PDZD2: variants seen among roughly 807,000 people sequenced by gnomAD.
The protein encoded by PDZD2 is PDZ domain containing 2.
In PDZD2, 90 loss-of-function variants were observed where a neutral mutation model predicts 220.7. The observed-to-expected ratio is 0.41, with a 90% CI of 0.34 to 0.49. The LOEUF is 0.49. Ranked by LOEUF, PDZD2 falls within the 20% of genes least tolerant of loss-of-function variation. The pLI is 0.28. For synonymous variants in PDZD2, 1,375 were observed against 1,450.5 expected (o/e 0.95, Z 1.18); for missense variants, 3,174 against 3,608.5 (o/e 0.88, Z 3.08).
At chr5:32,095,566 G>T (rs1043183655) in intron 21 of PDZD2, among the ~76,000 whole-genome samples, 2 of 152,116 alleles carry the variant, frequency 1.3e-5, no homozygotes, top group Non-Finnish European at 2.9e-5. Context: ...TGATCTGGCC[G>T]CCCTGAGACT....
At position 31,683,781 on chromosome 5, in the gene PDZD2, C is replaced by T. The variant is rs139159789; in HGVS notation, c.-361+44344C>T. On this transcript the variant is annotated intron_variant, in intron 1 of 24. Coordinates refer to ENST00000438447, the MANE Select transcript of PDZD2 (RefSeq NM_178140.4). Reference sequence around the variant, plus strand: ...AGAGTCTGCAGCGGACATCCTTGTACCTACATCCCAGGAAATTCTCGTATG... The same window carrying T: ...AGAGTCTGCAGCGGACATCCTTGTATCTACATCCCAGGAAATTCTCGTATG... Among the ~76,000 whole-genome samples, 203 of 152,228 alleles carry T rather than the reference C, an allele frequency of 1.3e-3. 2 individuals are homozygous for T. The highest frequency in any genetic ancestry group is 6.8e-3 in the Middle Eastern group (2 of 294).
At chr5:32,029,628 T>G (rs573323499) in intron 6 of PDZD2, among the ~76,000 whole-genome samples, 1 of 152,284 alleles carries the variant, frequency 6.6e-6, no homozygotes, top group East Asian at 1.9e-4. Context: ...ACCTCAGTCT[T>G]TTATGATGGG....
intron 1 of PDZD2, among the ~76,000 whole-genome samples, chr5:31,763,431 C>T (rs1751775173): frequency 6.6e-6 from 1 of 152,162 alleles, no homozygotes; most frequent in Admixed American, 6.5e-5. Context: ...TAAAGAAACT[C>T]ATGAACCTCA....
At position 32,087,960 on chromosome 5, in the gene PDZD2, A is replaced by G; in HGVS notation, c.4512A>G (p.Leu1504=). Residue 1504 remains leucine (L), a synonymous_variant, in exon 20 of 25, where the codon TTA becomes TTG. Coordinates refer to ENST00000438447, the MANE Select transcript of PDZD2 (RefSeq NM_178140.4). This position sits in a 1 kb window ranked among gnomAD's most constrained non-coding sequence, Gnocchi z 4.0. ...AATGGGCCTCCCAGCCTTCGGTTTT[A>G]GATTCAATTAATCCCGACAAACATT... ...YPQWASQPSV[L]DSINPDKHFT... 6.2e-7 allele frequency: 1 copy of G among 1,614,138 alleles called. No homozygotes were observed. Among genetic ancestry groups the G allele is most frequent in the Non-Finnish European group, 8.5e-7 (1 of 1,179,996 alleles).
intron 3 of PDZD2, among the ~76,000 whole-genome samples, chr5:31,994,183 A>G (rs1751452461): frequency 6.6e-6 from 1 of 150,988 alleles, no homozygotes; most frequent in Non-Finnish European, 1.5e-5. Context: ...ACGCCTGGCT[A>G]ATTTTTTTAT....
chr5:32,038,662 C>T lies in PDZD2; in HGVS notation c.1519+1320C>T, dbSNP rs116096184. On this transcript the variant is annotated intron_variant, in intron 7 of 24. Transcript: ENST00000438447. The stretch of plus-strand genomic sequence containing the variant: ...TAAAAGGAAACACTTTTATGGGTCC[C>T]TGAAGGTGGCATGGGCCCTCAGCAC... Among the ~76,000 whole-genome samples, 518 of 152,234 alleles carry T rather than the reference C, an allele frequency of 3.4e-3. 1 individual carries two copies. The highest frequency in any genetic ancestry group is 0.011 in the African/African-American group (471 of 41,546).
intron 2 of PDZD2, among the ~76,000 whole-genome samples, chr5:31,915,688 A>C (rs1743618806): frequency 6.6e-6 from 1 of 152,138 alleles, no homozygotes; most frequent in African/African-American, 2.4e-5. Flanking sequence ...TTTTTTTTCA[A>C]ACACTTAACT....
chr5:31,882,899 G>A (rs1740055935), intron 2 of PDZD2, among the ~76,000 whole-genome samples: 1 of 151,770 alleles, frequency 6.6e-6, no homozygotes, highest in Admixed American at 6.6e-5. Flanking sequence ...GCCTGATTGT[G>A]AGTGTCTGTA....
At chr5:31,777,080 T>C (rs865776435) in intron 1 of PDZD2, among the ~76,000 whole-genome samples, 1 of 152,216 alleles carries the variant, frequency 6.6e-6, no homozygotes, top group African/African-American at 2.4e-5. Context: ...GCCGGCTCCC[T>C]CTGCTTGCTG....
intron 2 of PDZD2, among the ~76,000 whole-genome samples, chr5:31,976,921 T>G (rs1332479037): frequency 2.0e-5 from 3 of 151,910 alleles, no homozygotes; most frequent in Non-Finnish European, 4.4e-5. Context: ...TTTCAGCACG[T>G]TGGTCAGGCT....
intron 7 of PDZD2, among the ~76,000 whole-genome samples, chr5:32,045,588 G>GTTT (rs34280498): frequency 7.1e-6 from 1 of 140,072 alleles, no homozygotes. Flanking sequence ...ACGCCCAGCT[G>GTTT]TTTTTTTTTT....
Position 32,090,400 on chromosome 5 carries a change from C to T in PDZD2, c.6952C>T (p.His2318Tyr). The part of the protein sequence containing the change: ...VTDKIKVTRR[H>Y]YCYEQNWPHE... ...AGACAAAATCAAAGTCACCAGACGA[C>T]ACTACTGCTATGAGCAGAACTGGCC... is the stretch of plus-strand genomic sequence containing the variant. Residue 2318 changes from histidine (H) to tyrosine (Y), a missense_variant, in exon 20 of 25, where the codon CAC (histidine) becomes TAC (tyrosine). Physicochemically the swap from His to Tyr is moderately conservative, Grantham distance 83 (BLOSUM62 2). This residue lies in a region of PDZD2 where 631 missense variants were observed against 789.9 expected (regional missense o/e 0.80). Transcript: ENST00000438447. This position sits in a 1 kb window ranked among gnomAD's most constrained non-coding sequence, Gnocchi z 4.3. The T allele has an allele frequency of 1.9e-6, 3 of 1,614,196 alleles. No homozygotes were observed. The highest frequency in any genetic ancestry group is 2.5e-6 in the Non-Finnish European group (3 of 1,180,020).
chr5:32,047,821 A>G (rs1225676819), intron 7 of PDZD2, among the ~76,000 whole-genome samples: 2 of 152,224 alleles, frequency 1.3e-5, no homozygotes, highest in African/African-American at 4.8e-5. Context: ...GGCATGCAAT[A>G]CCGTGGTTGA....
At chr5:31,867,610 CA>C (rs1738349192) in intron 2 of PDZD2, among the ~76,000 whole-genome samples, 2 of 152,114 alleles carry the variant, frequency 1.3e-5, no homozygotes, top group Admixed American at 6.6e-5. Context: ...CCTACAAAAT[CA>C]AAATATTTTG....
intron 19 of PDZD2, among the ~76,000 whole-genome samples, chr5:32,080,603 A>T (rs762196855): frequency 3.9e-5 from 6 of 152,162 alleles, no homozygotes; most frequent in Non-Finnish European, 8.8e-5. Context: ...CCTATTTGCA[A>T]CCTCATGCAG....
At chr5:32,029,169 TA>T (rs1754927644) in intron 6 of PDZD2, among the ~76,000 whole-genome samples, 2 of 151,502 alleles carry the variant, frequency 1.3e-5, no homozygotes, top group Admixed American at 6.6e-5. Context: ...GATATGCAAA[TA>T]AAAAAAAGTA....
chr5:31,711,708 A>G (rs1214019080), intron 1 of PDZD2, among the ~76,000 whole-genome samples: 2 of 152,112 alleles, frequency 1.3e-5, no homozygotes, highest in Non-Finnish European at 2.9e-5. Flanking sequence ...GAACCTGTGA[A>G]GTGTAGGGCC....
intron 1 of PDZD2, among the ~76,000 whole-genome samples, chr5:31,765,904 G>GATAATC (rs1561442038): frequency 2.0e-5 from 3 of 152,196 alleles, no homozygotes; most frequent in Non-Finnish European, 2.9e-5. Flanking sequence ...AGGCGTGGTG[G>GATAATC]CTCATGCTTG....
At chr5:31,821,302 A>AT (rs140379938) in intron 2 of PDZD2, among the ~76,000 whole-genome samples, 87,807 of 151,414 alleles carry the variant, frequency 0.58, 25,819 homozygotes, top group Non-Finnish European at 0.61. Flanking sequence ...TATAAATCTA[A>AT]TTTTTTGTAA....
Sources: gnomAD v4.1 joint callset for allele counts (sites outside exome capture counted in the v4.1 genomes callset) on GRCh38, gnomAD v4.1.1 for gene constraint, gnomAD v4.1.1 regional missense constraint, Gnocchi (gnomAD v3.1) non-coding constraint, MANE v1.5 for transcripts, NCBI Gene and HGNC (gene_info 2026-07-23, HGNC 2026-07-21) for gene names.